PARG: variants seen among roughly 807,000 people sequenced by gnomAD.
PARG encodes mitochondrial poly(ADP-ribose) glycohydrolase.
Under a neutral mutation model 113.0 loss-of-function variants are expected in PARG, and 35 were observed. That is an observed-to-expected ratio of 0.31 (90% CI 0.24 to 0.41). The LOEUF is 0.41. Ranked by LOEUF, PARG falls within the 10% of genes least tolerant of loss-of-function variation. The probability of loss-of-function intolerance (pLI) is 1.00; values close to 1 mark genes in which losing one functional copy is unlikely to be tolerated. For missense variants in PARG, 797 were observed against 1,169.4 expected, an observed-to-expected ratio of 0.68 and a Z score of 4.64; for synonymous variants, 330 against 409.9, an observed-to-expected ratio of 0.81 and a Z score of 2.36.
At chr10:49,877,266 C>G (rs1351234196) in intron 9 of PARG, among the ~76,000 whole-genome samples, 19 of 147,946 alleles carry the variant, frequency 1.3e-4, no homozygotes, top group Middle Eastern at 3.2e-3. Flanking sequence ...TAGAATTCTT[C>G]TCATCTTAAG....
chr10:49,846,693 G>C (rs1410399194), intron 13 of PARG, among the ~76,000 whole-genome samples: 33 of 152,178 alleles, frequency 2.2e-4, no homozygotes, highest in African/African-American at 7.2e-4. Context: ...CTATAATATA[G>C]GCTGTGAAGC....
At chr10:49,868,051 A>C (rs543504551) in intron 10 of PARG, among the ~76,000 whole-genome samples, 2 of 152,278 alleles carry the variant, frequency 1.3e-5, no homozygotes, top group East Asian at 3.9e-4. Flanking sequence ...GCAGTGGCAC[A>C]ATCTCAGCTC....
Position 49,819,399 on chromosome 10 carries a change from G to C in PARG, c.2872C>G (p.His958Asp). 1 of 1,551,438 alleles carries C rather than the reference G, an allele frequency of 6.4e-7. No homozygotes were observed. The highest frequency in any genetic ancestry group is 8.7e-7 in the Non-Finnish European group (1 of 1,146,782). The change falls in exon 18 of 18, where the codon CAT (histidine) becomes GAT (aspartate). Residue 958 changes from histidine to aspartate, a missense_variant. Physicochemically the swap from His to Asp is moderately conservative, Grantham distance 81 (BLOSUM62 -1). Around this residue, in one of 5 missense-constraint regions of PARG, gnomAD observed 194 missense variants for 247.1 expected, o/e 0.79. Coordinates refer to ENST00000616448, the MANE Select transcript of PARG (RefSeq NM_003631.5). ...PDIKLYPFIY[H>D]AVESCAETAD... Reference sequence around the variant, plus strand: ...GTCTCTGCACAGGACTCGACAGCATGGTATATGAATGGATAAAGCTTGATG... The same window carrying C: ...GTCTCTGCACAGGACTCGACAGCATCGTATATGAATGGATAAAGCTTGATG...
chr10:49,819,456 C>G lies in PARG; in HGVS notation c.2815G>C (p.Glu939Gln). The G allele has an allele frequency of 6.4e-7, 1 of 1,551,376 alleles. No individual in the cohort carries two copies. Among genetic ancestry groups the G allele is most frequent in the Non-Finnish European group, 8.7e-7 (1 of 1,146,724 alleles). ...CCAGGGGTGGAACAGTTTCTGCATT[C>G]TTCATTGTAGTATCGTAGCAACAGC... ...YKLLLRYYNE[E>Q]CRNCSTPGPD... is the part of the protein sequence containing the mutation. Residue 939 changes from glutamate to glutamine, a missense_variant, in exon 18 of 18, where the codon GAA becomes CAA. Transcript: ENST00000616448.
At chr10:49,859,692 A>C (rs1846164852) in intron 12 of PARG, among the ~76,000 whole-genome samples, 1 of 152,196 alleles carries the variant, frequency 6.6e-6, no homozygotes, top group African/African-American at 2.4e-5. Flanking sequence ...TGATGATGAA[A>C]TACATTCAAT....
intron 8 of PARG, among the ~76,000 whole-genome samples, chr10:49,882,877 C>CAAGG (rs1847281114): frequency 7.0e-6 from 1 of 141,946 alleles, no homozygotes; most frequent in Non-Finnish European, 1.5e-5. Flanking sequence ...AGGGATGAAC[C>CAAGG]TTGCCTGGGA....
chr10:49,907,932 G>A (rs1428514411), intron 7 of PARG, among the ~76,000 whole-genome samples: 2 of 152,148 alleles, frequency 1.3e-5, no homozygotes, highest in African/African-American at 4.8e-5. Context: ...ACTGCTATTT[G>A]ACCCAAATGA....
chr10:49,891,956 C>T (rs1361349902), intron 7 of PARG, among the ~76,000 whole-genome samples: 1 of 151,374 alleles, frequency 6.6e-6, no homozygotes, highest in African/African-American at 2.4e-5. Context: ...AGGTTCATTA[C>T]CCCATTTTAT....
At chr10:49,867,201 G>C (rs1227699816) in intron 10 of PARG, 1 of 149,658 alleles carries the variant, frequency 6.7e-6, no homozygotes, top group Non-Finnish European at 1.5e-5. Flanking sequence ...GACCACACTG[G>C]TGGTAAGGCT....
intron 7 of PARG, among the ~76,000 whole-genome samples, chr10:49,907,610 G>A (rs1836925943): frequency 6.6e-6 from 1 of 151,872 alleles, no homozygotes. Context: ...GTCCTTCCAG[G>A]GTTAAATATG....
intron 4 of PARG, among the ~76,000 whole-genome samples, chr10:49,931,402 C>A (rs1382332609): frequency 1.3e-5 from 2 of 151,946 alleles, no homozygotes; most frequent in African/African-American, 4.8e-5. Flanking sequence ...AGATTCTGAC[C>A]CGCCCTAAAC....
intron 8 of PARG, among the ~76,000 whole-genome samples, chr10:49,883,731 G>A (rs1267036674): frequency 1.3e-5 from 2 of 151,638 alleles, no homozygotes; most frequent in Admixed American, 1.3e-4. Flanking sequence ...AACCCAGGAG[G>A]CAGAGGTTGC....
intron 7 of PARG, among the ~76,000 whole-genome samples, chr10:49,899,902 A>C (rs1848271800): frequency 6.6e-6 from 1 of 152,254 alleles, no homozygotes; most frequent in African/African-American, 2.4e-5. Context: ...CATTATAAGC[A>C]TTTAAAATGA....
Position 49,933,162 on chromosome 10 carries a change from C to T in PARG, c.1271+15G>A. ...ATATTATGCTATTGGAGAGATACTG[C>T]TGAGAGAAAATTACCTTCTGTCCTC... On this transcript the variant is annotated intron_variant, in intron 3 of 17. Transcript: ENST00000616448. The T allele has an allele frequency of 6.5e-7, 1 of 1,542,784 alleles. No homozygotes were observed. Among genetic ancestry groups the T allele is most frequent in the Admixed American group, 1.9e-5 (1 of 53,504 alleles).
At chr10:49,912,547 T>C (rs1187529242) in intron 7 of PARG, among the ~76,000 whole-genome samples, 1 of 151,652 alleles carries the variant, frequency 6.6e-6, no homozygotes, top group African/African-American at 2.4e-5. Context: ...TCTGTAGTCC[T>C]AGCTACTCGG....
intron 16 of PARG, among the ~76,000 whole-genome samples, chr10:49,820,654 G>A (rs1039006391): frequency 6.6e-6 from 1 of 151,562 alleles, no homozygotes; most frequent in Non-Finnish European, 1.5e-5. Flanking sequence ...CCTGGGAGGT[G>A]GAGGTGGCAG....
At chr10:49,833,044 A>G in intron 15 of PARG, 136 bp from the exon 16 acceptor site, 2 of 487,378 alleles carry the variant, frequency 4.1e-6, no homozygotes, top group East Asian at 6.7e-5. Flanking sequence ...GGGCCAAAAT[A>G]GAGGGAAAAA....
chr10:49,893,070 A>G (rs1241759198), intron 7 of PARG, among the ~76,000 whole-genome samples: 4 of 152,194 alleles, frequency 2.6e-5, no homozygotes, highest in Admixed American at 1.3e-4. Context: ...GTGTGCATAT[A>G]TTTTCATATC....
rs529211916 is a variant in PARG at position 49,835,117 on chromosome 10, A to C, written c.2542-2209T>G. 1.8e-4 allele frequency among the ~76,000 whole-genome samples: 27 copies of C among 152,256 alleles called. No homozygotes were observed. The South Asian group carries it at 4.6e-3, about 26-fold the overall frequency. Reference sequence around the variant, plus strand: ...GGGACCTTTCCTTTTATGAGTAGGAATTGAACTCCCTTGGTAAAGAAACAA... The same window carrying C: ...GGGACCTTTCCTTTTATGAGTAGGACTTGAACTCCCTTGGTAAAGAAACAA... On this transcript the variant is annotated intron_variant, in intron 15 of 17. Transcript: ENST00000616448.
Sources: gnomAD v4.1 joint callset for allele counts (sites outside exome capture counted in the v4.1 genomes callset) on GRCh38, gnomAD v4.1.1 for gene constraint, gnomAD v4.1.1 regional missense constraint, MANE v1.5 for transcripts, NCBI Gene and HGNC (gene_info 2026-07-23, HGNC 2026-07-21) for gene names.